The following ESR1 variants were observed in gnomAD, a reference collection of about 807,000 sequenced individuals.
ESR1 encodes estrogen receptor.
Under a neutral mutation model 52.7 loss-of-function variants are expected in ESR1, and 12 were observed. The observed-to-expected ratio is 0.23, with a 90% CI of 0.15 to 0.37. ESR1 has a LOEUF of 0.37. ESR1 is among the 10% of genes least tolerant of loss of function. The pLI is 1.00. For synonymous variants in ESR1, 305 were observed against 316.8 expected, an observed-to-expected ratio of 0.96 and a Z score of 0.39; for missense variants, 584 against 779.7, an observed-to-expected ratio of 0.75 and a Z score of 2.99.
At chr6:152,113,709 T>C (rs2051174465) in intron 6 of ESR1, among the ~76,000 whole-genome samples, 1 of 152,184 alleles carries the variant, frequency 6.6e-6, no homozygotes, top group Non-Finnish European at 1.5e-5. Flanking sequence ...TAATTCCCAA[T>C]AGCGATTTCC....
upstream of ESR1, chr6:151,804,877 C>T (rs906216663): frequency 4.6e-5 from 7 of 152,028 alleles, no homozygotes; most frequent in African/African-American, 9.7e-5. Flanking sequence ...GTACTATGGC[C>T]GAGAGAATAG....
At chr6:151,712,067 G>A (rs1018798255) in intron 2 of ESR1, among the ~76,000 whole-genome samples, 151 of 152,214 alleles carry the variant, frequency 9.9e-4, no homozygotes, top group African/African-American at 2.2e-3. Flanking sequence ...CATATGGCTC[G>A]CCAGTTTTCC....
chr6:151,997,934 A>G (rs1233515865), intron 4 of ESR1, among the ~76,000 whole-genome samples: 1 of 151,310 alleles, frequency 6.6e-6, no homozygotes, highest in Non-Finnish European at 1.5e-5. Context: ...GGTGTCCCCA[A>G]AGCTTTCAGA....
At chr6:151,980,610 G>A (rs1315221784) in intron 4 of ESR1, among the ~76,000 whole-genome samples, 2 of 152,170 alleles carry the variant, frequency 1.3e-5, no homozygotes. Context: ...TTAAGGACCA[G>A]ATTAGACCAG....
intron 2 of ESR1, among the ~76,000 whole-genome samples, chr6:151,877,717 C>T (rs913100334): frequency 6.6e-6 from 1 of 152,144 alleles, no homozygotes; most frequent in Admixed American, 6.6e-5. Flanking sequence ...AAGTAACTGG[C>T]TCTGGGGAGA....
rs1314039652 is a variant in ESR1, at chr6:152,100,570, T to G, written c.*1604T>G. On this transcript the variant is annotated 3_prime_UTR_variant, in exon 8 of 8. Coordinates refer to ENST00000206249, the MANE Select transcript of ESR1 (RefSeq NM_000125.4). ...CAATTATGGGTTACTTCCTTTTTCT[T>G]AACAAAAAAGAATGTTTGATTTCCT... 1.3e-5 allele frequency: 3 copies of G among 232,644 alleles called. No individual in the cohort carries two copies. The highest frequency in any genetic ancestry group is 2.2e-5 in the African/African-American group (1 of 45,284). 14.4% of individuals were successfully genotyped at this position (232,644 alleles called of 1,614,324 possible).
intron 2 of ESR1, among the ~76,000 whole-genome samples, chr6:151,761,714 A>C (rs1003315622): frequency 1.3e-5 from 2 of 152,212 alleles, no homozygotes; most frequent in Admixed American, 1.3e-4. Flanking sequence ...CCCACCATGG[A>C]TGGGTCATGT....
At chr6:151,925,731 A>T (rs2090113) in intron 3 of ESR1, among the ~76,000 whole-genome samples, 17,482 of 152,026 alleles carry the variant, frequency 0.11, 1,964 homozygotes, top group African/African-American at 0.28. Context: ...GTGTTTCACA[A>T]ATAATTTCTC....
At chr6:152,120,088 T>C (rs987754844) in intron 6 of ESR1, among the ~76,000 whole-genome samples, 2 of 152,254 alleles carry the variant, frequency 1.3e-5, no homozygotes, top group African/African-American at 4.8e-5. Context: ...ACATTTGCCA[T>C]TTGATTCTTC....
At chr6:151,960,472 T>C (rs1003954415) in intron 4 of ESR1, among the ~76,000 whole-genome samples, 3 of 152,080 alleles carry the variant, frequency 2.0e-5, no homozygotes, top group African/African-American at 7.2e-5. Flanking sequence ...GTTAGCCATG[T>C]GGAGGGAGCA....
intron 2 of ESR1, among the ~76,000 whole-genome samples, chr6:151,741,995 A>C (rs185491484): frequency 6.6e-6 from 1 of 152,306 alleles, no homozygotes; most frequent in Admixed American, 6.5e-5. Flanking sequence ...TATTTGACTT[A>C]ATAAAAGATT....
upstream of ESR1, among the ~76,000 whole-genome samples, chr6:151,804,025 G>T (rs1461402793): frequency 6.6e-6 from 1 of 152,144 alleles, no homozygotes; most frequent in Non-Finnish European, 1.5e-5. Flanking sequence ...GAGAGAGCCA[G>T]TAAGTCACGG....
intron 5 of ESR1, among the ~76,000 whole-genome samples, chr6:152,058,807 G>A (rs1408214932): frequency 1.3e-5 from 2 of 152,154 alleles, no homozygotes; most frequent in African/African-American, 2.4e-5. Context: ...ATGAATTAAA[G>A]TAGAGCAAGA....
chr6:152,119,233 C>A (rs1031994693), intron 6 of ESR1, among the ~76,000 whole-genome samples: 10 of 152,170 alleles, frequency 6.6e-5, no homozygotes, highest in Non-Finnish European at 1.5e-4. Flanking sequence ...TCTACTCTAA[C>A]CTGCATTTTT....
intron 2 of ESR1, among the ~76,000 whole-genome samples, chr6:151,789,093 CT>C (rs1455308646): frequency 3.9e-5 from 6 of 152,080 alleles, no homozygotes; most frequent in African/African-American, 1.4e-4. Flanking sequence ...ACGTGTACCC[CT>C]GAACTTAAAA....
At chr6:151,916,297 A>G (rs967564295) in intron 3 of ESR1, among the ~76,000 whole-genome samples, 1 of 152,168 alleles carries the variant, frequency 6.6e-6, no homozygotes, top group Admixed American at 6.6e-5. Flanking sequence ...GGGTAATACT[A>G]CTGTCCTTGG....
intron 2 of ESR1, among the ~76,000 whole-genome samples, chr6:151,720,083 A>G (rs1156238153): frequency 6.6e-6 from 1 of 152,224 alleles, no homozygotes; most frequent in Non-Finnish European, 1.5e-5. Context: ...TGATCTGGGT[A>G]ATCCATTGGC....
chr6:151,953,369 CAAAAAGGGGAG>C (rs2036535817), intron 4 of ESR1, among the ~76,000 whole-genome samples: 1 of 151,938 alleles, frequency 6.6e-6, no homozygotes, highest in South Asian at 2.1e-4. Flanking sequence ...CAGAGAACTG[CAAAAAGGGGAG>C]AAAATCAGTG....
At chr6:151,838,846 A>G (rs17081781) in intron 1 of ESR1, among the ~76,000 whole-genome samples, 2,500 of 152,224 alleles carry the variant, frequency 0.016, 61 homozygotes, top group African/African-American at 0.057. Flanking sequence ...GTTGATTTTC[A>G]GTAAGCTGGG....
Sources: allele counts gnomAD v4.1 joint callset (sites outside exome capture counted in the v4.1 genomes callset), GRCh38; gene constraint gnomAD v4.1.1; transcripts MANE v1.5; gene names NCBI Gene and HGNC (gene_info 2026-07-23, HGNC 2026-07-21).